RIMS2: variants seen among roughly 807,000 people sequenced by gnomAD.
RIMS2 encodes the protein regulating synaptic membrane exocytosis protein 2.
Under a neutral mutation model 174.4 loss-of-function variants are expected in RIMS2, and 59 were observed. The ratio of observed to expected loss-of-function variants is 0.34; its 90% CI spans 0.27 to 0.42. The LOEUF (loss-of-function observed/expected upper bound fraction) is 0.42, where lower values mean the gene tolerates loss of function less well. RIMS2 is among the 10% of genes least tolerant of loss of function. The pLI is 1.00. For missense variants in RIMS2, 1,620 were observed against 1,666.3 expected (o/e 0.97, Z 0.48); for synonymous variants, 606 against 572.5 (o/e 1.06, Z -0.84).
At chr8:103,544,149 A>C (rs1253727691) in intron 1 of RIMS2, among the ~76,000 whole-genome samples, 1 of 152,060 alleles carries the variant, frequency 6.6e-6, no homozygotes, top group Non-Finnish European at 1.5e-5. Context: ...GGCAATCTCT[A>C]CTAGAGCTTC....
intron 1 of RIMS2, among the ~76,000 whole-genome samples, chr8:103,622,953 G>A (rs949646255): frequency 6.6e-6 from 1 of 152,208 alleles, no homozygotes; most frequent in South Asian, 2.1e-4. Flanking sequence ...AAAGGAACCT[G>A]CTGTCACAAC....
At chr8:104,165,313 A>G (rs1470624509) in intron 19 of RIMS2, among the ~76,000 whole-genome samples, 3 of 152,172 alleles carry the variant, frequency 2.0e-5, no homozygotes, top group African/African-American at 7.2e-5. Flanking sequence ...TCTCAATCAC[A>G]ATAAAATTCC....
At chr8:103,927,942 T>C (rs2079096631) in intron 11 of RIMS2, 2 of 1,502,488 alleles carry the variant, frequency 1.3e-6, no homozygotes, top group African/African-American at 2.8e-5. Flanking sequence ...ACCCTATTTG[T>C]ATGTTTTTGG....
intron 3 of RIMS2, among the ~76,000 whole-genome samples, chr8:103,854,131 T>C (rs1398282781): frequency 6.6e-6 from 1 of 152,152 alleles, no homozygotes; most frequent in Non-Finnish European, 1.5e-5. Flanking sequence ...TATTTCGTTT[T>C]CTTTGTGGCT....
chr8:103,682,221 T>C (rs1404968426), intron 1 of RIMS2, among the ~76,000 whole-genome samples: 4 of 152,118 alleles, frequency 2.6e-5, no homozygotes, highest in African/African-American at 9.7e-5. Flanking sequence ...TATACATTTA[T>C]AAGTCACTTA....
intron 19 of RIMS2, among the ~76,000 whole-genome samples, chr8:104,211,437 G>A (rs1370417135): frequency 6.6e-6 from 1 of 152,174 alleles, no homozygotes; most frequent in Non-Finnish European, 1.5e-5. Flanking sequence ...GATCACCAGG[G>A]AGTACGACTT....
intron 10 of RIMS2, chr8:103,927,731 G>A (rs2079053808): frequency 1.4e-6 from 1 of 708,176 alleles, no homozygotes; most frequent in Non-Finnish European, 2.5e-6. Context: ...TGGAAAAATT[G>A]TATTTAAGGG....
intron 18 of RIMS2, among the ~76,000 whole-genome samples, 161 bp downstream of exon 20, chr8:104,013,782 T>C (rs948812866): frequency 6.6e-6 from 1 of 152,182 alleles, no homozygotes; most frequent in Non-Finnish European, 1.5e-5. Context: ...ATTCACTGGA[T>C]ATAATAGTGT....
At chr8:104,210,762 G>C (rs2099101783) in intron 19 of RIMS2, among the ~76,000 whole-genome samples, 1 of 152,116 alleles carries the variant, frequency 6.6e-6, no homozygotes, top group African/African-American at 2.4e-5. Flanking sequence ...TCTAATTCAA[G>C]TTATATTTCT....
intron 3 of RIMS2, among the ~76,000 whole-genome samples, chr8:103,813,097 C>T (rs192054996): frequency 4.6e-5 from 7 of 152,182 alleles, no homozygotes; most frequent in Admixed American, 4.6e-4. Flanking sequence ...TTTAATGATT[C>T]ATTAGCTTTG....
chr8:103,726,743 A>T (rs183121674), intron 2 of RIMS2, among the ~76,000 whole-genome samples: 7,407 of 147,718 alleles, frequency 0.05, 576 homozygotes, highest in African/African-American at 0.17. Context: ...ATATATATAT[A>T]TATTTTTGAG....
chr8:104,112,717 T>C (rs2098211060), intron 19 of RIMS2, among the ~76,000 whole-genome samples: 1 of 152,152 alleles, frequency 6.6e-6, no homozygotes, highest in Non-Finnish European at 1.5e-5. Context: ...ATACTGAAAT[T>C]TTAGGTTCAT....
At chr8:104,210,314 ATTAT>A (rs2099099741) in intron 19 of RIMS2, among the ~76,000 whole-genome samples, 1 of 152,316 alleles carries the variant, frequency 6.6e-6, no homozygotes, top group East Asian at 1.9e-4. Flanking sequence ...AGTAAGAATA[ATTAT>A]TTATTAATTA....
chr8:103,521,728 A>C (rs975555826), intron 1 of RIMS2, among the ~76,000 whole-genome samples: 2 of 151,908 alleles, frequency 1.3e-5, no homozygotes, highest in African/African-American at 4.8e-5. Context: ...TGGATTCTAA[A>C]GTTGTACTCA....
chr8:103,577,317 G>GA (rs533384221), intron 1 of RIMS2, among the ~76,000 whole-genome samples: 2 of 152,152 alleles, frequency 1.3e-5, no homozygotes, highest in South Asian at 2.1e-4. Context: ...ACAGACACAT[G>GA]AAAAAAATGC....
intron 3 of RIMS2, among the ~76,000 whole-genome samples, chr8:103,812,806 A>G (rs975276371): frequency 5.3e-5 from 8 of 152,212 alleles, no homozygotes; most frequent in Non-Finnish European, 1.0e-4. Flanking sequence ...CCTCAGGGAA[A>G]TATAGAATAC....
At chr8:103,833,596 T>G (rs902917995) in intron 3 of RIMS2, among the ~76,000 whole-genome samples, 1 of 152,084 alleles carries the variant, frequency 6.6e-6, no homozygotes, top group Non-Finnish European at 1.5e-5. Context: ...ATTTTAAATT[T>G]TATTGATTTT....
intron 19 of RIMS2, among the ~76,000 whole-genome samples, chr8:104,230,833 T>C (rs1177746906): frequency 6.6e-6 from 1 of 152,116 alleles, no homozygotes; most frequent in Non-Finnish European, 1.5e-5. Flanking sequence ...GAATAGTCAG[T>C]TCTAGCTAAT....
intron 3 of RIMS2, among the ~76,000 whole-genome samples, chr8:103,844,450 C>CCCAG (rs1458239330): frequency 2.6e-5 from 4 of 152,086 alleles, no homozygotes; most frequent in African/African-American, 9.7e-5. Context: ...AACTGTCAGT[C>CCCAG]CCAGATATGG....
Sources: gnomAD v4.1 joint callset for allele counts (sites outside exome capture counted in the v4.1 genomes callset) on GRCh38, gnomAD v4.1.1 for gene constraint, MANE v1.5 for transcripts, NCBI Gene and HGNC (gene_info 2026-07-23, HGNC 2026-07-21) for gene names.